Variants in NFAT5 observed in about 807,000 individuals in gnomAD.
NFAT5 encodes the protein nuclear factor of activated T cells 5.
In NFAT5, 31 loss-of-function variants were observed where a neutral mutation model predicts 166.5. The observed-to-expected ratio is 0.19, with a 90% CI of 0.14 to 0.25. The LOEUF (loss-of-function observed/expected upper bound fraction) is 0.25. Among genes scored for constraint, NFAT5 ranks in the 10% least tolerant of loss-of-function variants. The pLI is 1.00. For missense variants in NFAT5, 1,449 were observed against 1,821.8 expected (o/e 0.80, Z 3.72); for synonymous variants, 612 against 639.7 (o/e 0.96, Z 0.65).
At chr16:69,610,874 A>G (rs1231723305) in intron 2 of NFAT5, among the ~76,000 whole-genome samples, 1 of 151,910 alleles carries the variant, frequency 6.6e-6, no homozygotes, top group Non-Finnish European at 1.5e-5. Context: ...TTTTTCCCTC[A>G]TAGCTCTGGT....
At chr16:69,619,160 C>T (rs986084531) in intron 2 of NFAT5, among the ~76,000 whole-genome samples, 1 of 152,008 alleles carries the variant, frequency 6.6e-6, no homozygotes, top group East Asian at 1.9e-4. Context: ...CTCTCTGACC[C>T]GAAAGCAGTT....
At chr16:69,655,509 T>C (rs755913679) in intron 5 of NFAT5, 100 bp from the exon 6 acceptor site, 18 of 883,692 alleles carry the variant, frequency 2.0e-5, no homozygotes, top group African/African-American at 5.2e-5. Flanking sequence ...TTAAATGTAA[T>C]TCAGTTACAA....
In NFAT5 at chr16:69,701,513, A is replaced by G. The variant is rs1316462533; in HGVS notation, c.*5162A>G. The G allele has an allele frequency of 6.6e-6, 1 of 152,576 alleles. No individual in the cohort carries two copies. Among genetic ancestry groups the G allele is most frequent in the African/African-American group, 2.4e-5 (1 of 41,424 alleles). The allele number at this position is 152,576 out of a possible 1,614,324, so 9.5% of individuals were successfully genotyped here. A position where few individuals can be genotyped will look rare whatever the true frequency, so the allele number is the denominator to read the frequency against. On this transcript the variant is annotated 3_prime_UTR_variant, in exon 15 of 15. Transcript: ENST00000349945. The stretch of plus-strand genomic sequence containing the variant: ...TTCTCCATTTCTTCCCTTTGGCTTA[A>G]GAATAAAAGAAAAGGTACATTGCTA...
At chr16:69,646,900 AT>A in intron 3 of NFAT5, 127 bp from the exon 4 acceptor site, 1 of 820,160 alleles carries the variant, frequency 1.2e-6, no homozygotes, top group Non-Finnish European at 1.8e-6. Flanking sequence ...ATTCTAAAAC[AT>A]AACCAAATTC....
At chr16:69,594,589 A>G (rs2032678061) in intron 2 of NFAT5, among the ~76,000 whole-genome samples, 1 of 152,188 alleles carries the variant, frequency 6.6e-6, no homozygotes, top group Non-Finnish European at 1.5e-5. Flanking sequence ...TTATGGCACC[A>G]CTGTCATATA....
At chr16:69,648,485 C>G in intron 4 of NFAT5, 1 of 966,066 alleles carries the variant, frequency 1.0e-6, no homozygotes, top group Non-Finnish European at 1.2e-6. Context: ...TTCTGTGATT[C>G]TGGGTTACTT....
Position 69,566,114 on chromosome 16 carries a change from C to A in NFAT5, c.-188C>A. On this transcript the variant is annotated 5_prime_UTR_variant, in exon 1 of 15. Coordinates refer to ENST00000349945, the MANE Select transcript of NFAT5 (RefSeq NM_138713.4). This position sits in a 1 kb window ranked among gnomAD's most constrained non-coding sequence, Gnocchi z 5.7. ...GAGAATCAGTCCCCGTGGAGTTCCC[C>A]CTCCACCTCGCCATCGTTTCCTCGG... is the stretch of plus-strand genomic sequence containing the variant. The A allele has an allele frequency of 1.7e-6, 1 of 575,948 alleles. No individual in the cohort carries two copies. The highest frequency in any genetic ancestry group is 3.0e-6 in the Non-Finnish European group (1 of 331,572). 35.7% of individuals were successfully genotyped at this position (575,948 alleles called of 1,614,324 possible).
At chr16:69,653,542 T>C (rs547492661) in intron 5 of NFAT5, 114 bp downstream of exon 5, 63 of 679,840 alleles carry the variant, frequency 9.3e-5, no homozygotes, top group Non-Finnish European at 1.4e-4. Flanking sequence ...ATATTTGATA[T>C]TTGAATTAGA....
At chr16:69,597,927 GAGGATTACCC>G (rs1347548054) in intron 2 of NFAT5, among the ~76,000 whole-genome samples, 1 of 152,154 alleles carries the variant, frequency 6.6e-6, no homozygotes, top group Non-Finnish European at 1.5e-5. Context: ...ATAACTAAGT[GAGGATTACCC>G]TTGCTAGGCC....
intron 2 of NFAT5, among the ~76,000 whole-genome samples, chr16:69,610,228 G>T (rs150901949): frequency 6.6e-5 from 10 of 152,274 alleles, no homozygotes; most frequent in Middle Eastern, 3.4e-3. Context: ...AAGATAGGAC[G>T]TGAGGGGACA....
intron 2 of NFAT5, among the ~76,000 whole-genome samples, chr16:69,619,819 A>G (rs944149391): frequency 6.6e-6 from 1 of 152,206 alleles, no homozygotes; most frequent in Non-Finnish European, 1.5e-5. Context: ...CCCAACTGAG[A>G]AGAAACAAAC....
At position 69,566,771 on chromosome 16, in the gene NFAT5, C is replaced by T. The variant is rs2016075349; in HGVS notation, c.73+397C>T. Among the ~76,000 whole-genome samples, 1 of 152,176 alleles carries T rather than the reference C, an allele frequency of 6.6e-6. No individual in the cohort carries two copies. Among genetic ancestry groups the T allele is most frequent in the Non-Finnish European group, 1.5e-5 (1 of 68,020 alleles). On this transcript the variant is annotated intron_variant, in intron 1 of 14. Transcript: ENST00000349945. The surrounding 1 kb of genome is among the most constrained non-coding windows in gnomAD (Gnocchi z 5.7). Reference sequence around the variant, plus strand: ...CACCGCGATCGGGGCGCCGCGTCTTCTCTTACCGGGACCCTCCTCCCCAGC... The same window carrying T: ...CACCGCGATCGGGGCGCCGCGTCTTTTCTTACCGGGACCCTCCTCCCCAGC...
chr16:69,574,988 T>C (rs1231221940), intron 2 of NFAT5, among the ~76,000 whole-genome samples: 1 of 152,034 alleles, frequency 6.6e-6, no homozygotes, highest in Non-Finnish European at 1.5e-5. Context: ...CTTTTATTTT[T>C]AACATTTATG....
At chr16:69,636,273 A>G (rs2034962735) in intron 3 of NFAT5, among the ~76,000 whole-genome samples, 1 of 152,154 alleles carries the variant, frequency 6.6e-6, no homozygotes, top group Non-Finnish European at 1.5e-5. Context: ...TGTAGAGTAT[A>G]GCCTCCCTTC....
At position 69,621,815 on chromosome 16, in the gene NFAT5, T is replaced by A. The variant is rs199728467; in HGVS notation, c.128-4588T>A. Among the ~76,000 whole-genome samples, 122 of 152,016 alleles carry A rather than the reference T, an allele frequency of 8.0e-4. No homozygotes were observed. In the East Asian group the frequency reaches 0.015, roughly 19 times the overall value. ...ACTCTGTCTCTACAAAAAGTTTTTT[T>A]AAAAAAATTAGCCAGTGTACATTTG... On this transcript the variant is annotated intron_variant, in intron 2 of 14. Coordinates refer to ENST00000349945, the MANE Select transcript of NFAT5 (RefSeq NM_138713.4).
In NFAT5 at chr16:69,639,404, T is replaced by G. The variant is rs185778403; in HGVS notation, c.254-7624T>G. 1.8e-4 allele frequency among the ~76,000 whole-genome samples: 27 copies of G among 152,276 alleles called. No homozygotes were observed. The East Asian group carries it at 4.8e-3, about 27-fold the overall frequency. ...GTGTATTAATGGTACTCTGATAAGG[T>G]AGAAATAATTATTTAAGGAGAATTC... On this transcript the variant is annotated intron_variant, in intron 3 of 14. Transcript: ENST00000349945.
chr16:69,617,225 A>T (rs996154061), intron 2 of NFAT5, among the ~76,000 whole-genome samples: 8 of 152,102 alleles, frequency 5.3e-5, no homozygotes, highest in Admixed American at 5.2e-4. Flanking sequence ...TACAGGCGTG[A>T]GCCACCGTGC....
chr16:69,633,804 A>G (rs956133050), intron 3 of NFAT5, among the ~76,000 whole-genome samples: 1 of 152,284 alleles, frequency 6.6e-6, no homozygotes, highest in Admixed American at 6.5e-5. Flanking sequence ...AATACTATAT[A>G]GTTTCAAATA....
At chr16:69,635,237 C>T (rs1176796727) in intron 3 of NFAT5, among the ~76,000 whole-genome samples, 5 of 152,146 alleles carry the variant, frequency 3.3e-5, no homozygotes, top group East Asian at 1.9e-4. Context: ...TCTTGAACTC[C>T]GGACCTCAGG....
Sources: gnomAD v4.1 joint callset for allele counts (sites outside exome capture counted in the v4.1 genomes callset) on GRCh38, gnomAD v4.1.1 for gene constraint, Gnocchi (gnomAD v3.1) non-coding constraint, MANE v1.5 for transcripts, NCBI Gene and HGNC (gene_info 2026-07-23, HGNC 2026-07-21) for gene names.